Variants in JPH3 observed in about 807,000 individuals in gnomAD.
JPH3 encodes junctophilin-3.
In JPH3, 11 loss-of-function variants were observed where a neutral mutation model predicts 59.6. That is an observed-to-expected ratio of 0.18 (90% CI 0.12 to 0.31). The LOEUF is 0.31. Among genes scored for constraint, JPH3 ranks in the 10% least tolerant of loss-of-function variants. The pLI is 1.00. For missense variants in JPH3, 1,202 were observed against 1,105.7 expected, an observed-to-expected ratio of 1.09 and a Z score of -1.24; for synonymous variants, 673 against 483.6, an observed-to-expected ratio of 1.39 and a Z score of -5.14.
intron 2 of JPH3, among the ~76,000 whole-genome samples, chr16:87,664,701 A>C (rs2032808842): frequency 6.6e-6 from 1 of 152,168 alleles, no homozygotes; most frequent in South Asian, 2.1e-4. Flanking sequence ...CTCCACGGTG[A>C]GCCACCCCGG....
chr16:87,695,242 C>CA (rs1191828930), intron 4 of JPH3: 2 of 449,710 alleles, frequency 4.4e-6, no homozygotes, highest in Non-Finnish European at 9.0e-6. Context: ...ATGAGCTACT[C>CA]AGTCTTAACA....
chr16:87,690,340 G>C lies in JPH3; in HGVS notation c.1980G>C (p.Gln660His), dbSNP rs2033534957. The change falls in exon 4 of 5, where the codon CAG (glutamine) becomes CAC (histidine). Residue 660 changes from glutamine to histidine, a missense_variant. Gln to His is a conservative substitution (Grantham distance 24). Transcript: ENST00000284262. ...FGVQRLRSKA[Q>H]NKENFRPASS... ...TGCAGAGACTGCGGTCCAAGGCCCA[G>C]AACAAGGAGAACTTCAGGCCGGCCT... 2 of 1,572,920 alleles carry C rather than the reference G, an allele frequency of 1.3e-6. No homozygotes were observed. Among genetic ancestry groups the C allele is most frequent in the Non-Finnish European group, 1.7e-6 (2 of 1,161,352 alleles).
chr16:87,687,148 C>T (rs1002707520), intron 3 of JPH3, among the ~76,000 whole-genome samples: 2 of 152,174 alleles, frequency 1.3e-5, no homozygotes, highest in African/African-American at 4.8e-5. Context: ...GACCAGGCAC[C>T]CCGGGGCCTT....
intron 2 of JPH3, among the ~76,000 whole-genome samples, chr16:87,661,678 C>G (rs946695136): frequency 1.3e-5 from 2 of 152,242 alleles, no homozygotes; most frequent in African/African-American, 2.4e-5. Context: ...CGGGACAGCC[C>G]TGTCCAAGAG....
rs769594945 is a variant in JPH3 at position 87,644,823 on chromosome 16, C to T, written c.948C>T (p.Ala316=). 1.7e-5 allele frequency: 28 copies of T among 1,613,298 alleles called. No homozygotes were observed. The Admixed American group carries it at 1.8e-4, about 11-fold the overall frequency. The change falls in exon 2 of 5, where the codon GCC becomes GCT. Residue 316 remains alanine (A), a synonymous_variant. Coordinates refer to ENST00000284262, the MANE Select transcript of JPH3 (RefSeq NM_020655.4). The part of the protein sequence containing the change: ...SDGLKYEGEW[A]SNRRHGYGCM... Reference sequence around the variant, plus strand: ...GGCTCAAGTACGAGGGCGAGTGGGCCAGCAACCGGCGCCATGGCTACGGCT... The same window carrying T: ...GGCTCAAGTACGAGGGCGAGTGGGCTAGCAACCGGCGCCATGGCTACGGCT...
At position 87,695,739 on chromosome 16, in the gene JPH3, G is replaced by A. The variant is rs558503311; in HGVS notation, c.2167-841G>A. The A allele has an allele frequency of 4.9e-4, 223 of 456,080 alleles. 1 individual carries two copies. The highest frequency in any genetic ancestry group is 2.9e-3 in the Middle Eastern group (9 of 3,070). 28.3% of individuals were successfully genotyped at this position (456,080 alleles called of 1,614,324 possible). ...GCCACGCTCCCTCTCCCCCTGCCTG[G>A]TGTGAGCAGAACACAGCAGAGTGCA... is the stretch of plus-strand genomic sequence containing the variant. On this transcript the variant is annotated intron_variant, in intron 4 of 4. Transcript: ENST00000284262.
At chr16:87,680,231 G>T (rs185815729) in intron 2 of JPH3, among the ~76,000 whole-genome samples, 1 of 152,270 alleles carries the variant, frequency 6.6e-6, no homozygotes, top group Non-Finnish European at 1.5e-5. Flanking sequence ...CTTGGAACCC[G>T]CTTTGCTCCA....
intron 1 of JPH3, among the ~76,000 whole-genome samples, chr16:87,633,067 C>A (rs1200317755): frequency 6.6e-6 from 1 of 152,108 alleles, no homozygotes; most frequent in Non-Finnish European, 1.5e-5. Flanking sequence ...TAGTTAATCA[C>A]CTCGCTAGAG....
At position 87,689,865 on chromosome 16, in the gene JPH3, C is replaced by T. The variant is rs757955234; in HGVS notation, c.1505C>T (p.Ser502Leu). ...PAARNKVAHF[S>L]RQVSVDEERG... ...GCCAGGAACAAGGTCGCCCACTTCT[C>T]GAGGCAGGTGTCGGTGGACGAGGAG... The change falls in exon 4 of 5, where the codon TCG (serine) becomes TTG (leucine). Residue 502 changes from serine (S) to leucine (L), a missense_variant. Ser to Leu is a moderately radical substitution (Grantham distance 145). Transcript: ENST00000284262. 7.3e-6 allele frequency: 11 copies of T among 1,502,344 alleles called. No individual in the cohort carries two copies. Among genetic ancestry groups the T allele is most frequent in the Middle Eastern group, 3.5e-4 (2 of 5,724 alleles). The allele number at this position is 1,502,344 out of a possible 1,614,324, so 93.1% of individuals were successfully genotyped here.
At chr16:87,609,087 C>T (rs932571215) in intron 1 of JPH3, among the ~76,000 whole-genome samples, 8 of 152,188 alleles carry the variant, frequency 5.3e-5, no homozygotes, top group African/African-American at 1.9e-4. Flanking sequence ...GCATGGATTC[C>T]ATGCTCCAGG....
At chr16:87,640,119 G>C (rs1206576299) in intron 1 of JPH3, among the ~76,000 whole-genome samples, 3 of 152,106 alleles carry the variant, frequency 2.0e-5, no homozygotes, top group African/African-American at 7.2e-5. Flanking sequence ...ATGAGGTCCA[G>C]AGATTGAGAC....
In JPH3 at chr16:87,670,230, C is replaced by T. The variant is rs145298996; in HGVS notation, c.1161-13912C>T. Among the ~76,000 whole-genome samples, 126 of 152,248 alleles carry T rather than the reference C, an allele frequency of 8.3e-4. 1 individual carries two copies. The highest frequency in any genetic ancestry group is 3.0e-3 in the African/African-American group (123 of 41,552). On this transcript the variant is annotated intron_variant, in intron 2 of 4. Transcript: ENST00000284262. ...GGGTGGGGGTCTGTGGGGAGTCAGC[C>T]GCAGCCACCAGCATTGCTGGAATGT... is the stretch of plus-strand genomic sequence containing the variant.
At chr16:87,632,381 G>A (rs1445226525) in intron 1 of JPH3, among the ~76,000 whole-genome samples, 3 of 152,216 alleles carry the variant, frequency 2.0e-5, no homozygotes, top group South Asian at 2.1e-4. Flanking sequence ...CAGAAGGAGA[G>A]AAAACTCTCT....
Position 87,603,248 on chromosome 16 carries a change from G to C in JPH3, c.102G>C (p.Lys34Asn). 6.2e-7 allele frequency: 1 copy of C among 1,613,866 alleles called. No individual in the cohort carries two copies. Among genetic ancestry groups the C allele is most frequent in the Non-Finnish European group, 8.5e-7 (1 of 1,179,944 alleles). The change falls in exon 1 of 5, where the codon AAG becomes AAC. Residue 34 changes from lysine (K) to asparagine (N), a missense_variant. Coordinates refer to ENST00000284262, the MANE Select transcript of JPH3 (RefSeq NM_020655.4). ...GCCATGGCGTCTGCACCGGCCCCAA[G>C]GGCCAAGGCGAATACACCGGCTCGT... ...AHGHGVCTGP[K>N]GQGEYTGSWS...
At chr16:87,686,886 G>A (rs2033432392) in intron 3 of JPH3, among the ~76,000 whole-genome samples, 1 of 152,216 alleles carries the variant, frequency 6.6e-6, no homozygotes, top group African/African-American at 2.4e-5. Flanking sequence ...TCACTGGTGG[G>A]AGTCCAGTCC....
At position 87,602,657 on chromosome 16, in the gene JPH3, T is replaced by TGCC. The variant is rs1463591678; in HGVS notation, c.-477_-475dup. Among the ~76,000 whole-genome samples the TGCC allele has an allele frequency of 2.4e-5, 3 of 124,742 alleles. No homozygotes were observed. The highest frequency in any genetic ancestry group is 5.8e-5 in the African/African-American group (2 of 34,610). The allele number at this position is 124,742 out of a possible 152,430, so 81.8% of individuals were successfully genotyped here. A position where few individuals can be genotyped will look rare whatever the true frequency, so the allele number is the denominator to read the frequency against. ...GTGCAGCCGCCAGCGCCGCCGCCCG[T>TGCC]GCCGCCGCCGCCGCCCGCGGGCCCC... On this transcript the variant is annotated 5_prime_UTR_variant, in exon 1 of 5. Coordinates refer to ENST00000284262, the MANE Select transcript of JPH3 (RefSeq NM_020655.4).
chr16:87,647,291 G>C (rs1227671383), intron 2 of JPH3, among the ~76,000 whole-genome samples: 1 of 151,926 alleles, frequency 6.6e-6, no homozygotes, highest in Non-Finnish European at 1.5e-5. Flanking sequence ...CTCCTACTGA[G>C]TCCCCAGCCC....
chr16:87,642,728 C>T (rs1362233413), intron 1 of JPH3, among the ~76,000 whole-genome samples: 1 of 152,200 alleles, frequency 6.6e-6, no homozygotes, highest in African/African-American at 2.4e-5. Flanking sequence ...CGTGCTGAGG[C>T]CCAGCCGTCC....
In JPH3 at chr16:87,611,763, A is replaced by G. The variant is rs1307729774; in HGVS notation, c.382+8235A>G. Among the ~76,000 whole-genome samples the G allele has an allele frequency of 6.6e-6, 1 of 152,148 alleles. No homozygotes were observed. Among genetic ancestry groups the G allele is most frequent in the Non-Finnish European group, 1.5e-5 (1 of 68,016 alleles). On this transcript the variant is annotated intron_variant, in intron 1 of 4. Transcript: ENST00000284262. This position sits in a 1 kb window ranked among gnomAD's most constrained non-coding sequence, Gnocchi z 4.5. ...TCTGGGCCTGGGATGCCACCCAAGA[A>G]TTTATATTTCTTACAAATTTCAGGC... is the stretch of plus-strand genomic sequence containing the variant.
Sources: gnomAD v4.1 joint callset for allele counts (sites outside exome capture counted in the v4.1 genomes callset) on GRCh38, gnomAD v4.1.1 for gene constraint, Gnocchi (gnomAD v3.1) non-coding constraint, MANE v1.5 for transcripts, NCBI Gene and HGNC (gene_info 2026-07-23, HGNC 2026-07-21) for gene names.